Variants in SV2C observed in about 807,000 individuals in gnomAD.
SV2C encodes synaptic vesicle glycoprotein 2C.
A neutral mutation model predicts 79.7 loss-of-function variants in SV2C; 49 were observed. That is an observed-to-expected ratio of 0.61 (90% CI 0.49 to 0.78). The LOEUF (loss-of-function observed/expected upper bound fraction) is 0.78, where lower values mean the gene tolerates loss of function less well. Among genes scored for constraint, SV2C ranks in the 30% least tolerant of loss-of-function variants. The pLI is 0.00. For missense variants in SV2C, 833 were observed against 912.9 expected, an observed-to-expected ratio of 0.91 and a Z score of 1.13; for synonymous variants, 334 against 333.2, an observed-to-expected ratio of 1.00 and a Z score of -0.03.
intron 2 of SV2C, among the ~76,000 whole-genome samples, chr5:76,151,670 A>G (rs1749610703): frequency 6.6e-6 from 1 of 152,142 alleles, no homozygotes; most frequent in African/African-American, 2.4e-5. Context: ...ATGCCTTAAT[A>G]CGAGAGTTCT....
At chr5:76,028,713 G>C in the SV2C span, among the ~76,000 whole-genome samples, 1 of 152,202 alleles carries the variant, frequency 6.6e-6, no homozygotes, top group Non-Finnish European at 1.5e-5. Context: ...CTCAGCTTTA[G>C]CACTGCAGAC....
At position 76,123,448 on chromosome 5, in the gene SV2C, C is replaced by A. The variant is rs894001552; in HGVS notation, c.-101-8202C>A. ...AAAAAAGAGAATTTTAGACCAATAT[C>A]CTTGATGAACATTGATGCAAAAATC... On this transcript the variant is annotated intron_variant, in intron 1 of 12. Transcript: ENST00000502798. Among the ~76,000 whole-genome samples the A allele has an allele frequency of 3.3e-5, 5 of 152,196 alleles. No individual in the cohort carries two copies. The East Asian group carries it at 9.6e-4, about 29-fold the overall frequency.
intron 3 of SV2C, among the ~76,000 whole-genome samples, chr5:76,207,992 G>A (rs1744656127): frequency 6.6e-6 from 1 of 152,202 alleles, no homozygotes; most frequent in Non-Finnish European, 1.5e-5. Flanking sequence ...TCTTGTTTGA[G>A]GGTTTGGTTA....
chr5:76,199,076 C>T lies in SV2C; in HGVS notation c.761+3977C>T, dbSNP rs117228989. 6.1e-4 allele frequency among the ~76,000 whole-genome samples: 93 copies of T among 152,266 alleles called. 2 individuals carry two copies. In the East Asian group the frequency reaches 0.016, roughly 27 times the overall value. On this transcript the variant is annotated intron_variant, in intron 3 of 12. Coordinates refer to ENST00000502798, the MANE Select transcript of SV2C (RefSeq NM_014979.4). ...GATCCTCTTGTTTTCAAAGGCATAT[C>T]GTATTTAAACCCTTCATTCCTATTA...
At chr5:76,245,936 A>ATGTGTGTGTGTGTGTGTG (rs60767964) in intron 4 of SV2C, among the ~76,000 whole-genome samples, 52 of 129,144 alleles carry the variant, frequency 4.0e-4, no homozygotes, top group East Asian at 1.3e-3. Flanking sequence ...GTGTGTGTGT[A>ATGTGTGTGTGTGTGTGTG]TGTGTGTGTG....
At chr5:75,853,924 T>C in the SV2C span, among the ~76,000 whole-genome samples, 3 of 150,804 alleles carry the variant, frequency 2.0e-5, no homozygotes, top group Non-Finnish European at 4.4e-5. Flanking sequence ...GTTTTAAATG[T>C]ACAGTTTGAT....
chr5:76,110,186 G>T (rs1003537826), intron 1 of SV2C, among the ~76,000 whole-genome samples: 3 of 152,188 alleles, frequency 2.0e-5, no homozygotes, highest in Admixed American at 6.5e-5. Flanking sequence ...CTGAATAGGG[G>T]AGAAGCTATG....
At chr5:75,970,961 A>C in the SV2C span, among the ~76,000 whole-genome samples, 1 of 152,238 alleles carries the variant, frequency 6.6e-6, no homozygotes, top group East Asian at 1.9e-4. Context: ...CAGCACATCA[A>C]AAAGCTTATC....
intron 12 of SV2C, among the ~76,000 whole-genome samples, chr5:76,307,850 CTTCT>C (rs1217737189): frequency 1.3e-5 from 2 of 151,994 alleles, no homozygotes; most frequent in South Asian, 2.1e-4. Context: ...TCATTTAGTT[CTTCT>C]TTATTTCTTC....
the SV2C span, among the ~76,000 whole-genome samples, chr5:76,057,179 T>G: frequency 3.3e-5 from 5 of 152,208 alleles, no homozygotes; most frequent in Non-Finnish European, 5.9e-5. Flanking sequence ...GTCCCAGAGA[T>G]TCTAATACAG....
intron 1 of SV2C, among the ~76,000 whole-genome samples, chr5:76,088,633 A>G (rs1308214448): frequency 1.3e-5 from 2 of 152,212 alleles, no homozygotes; most frequent in Non-Finnish European, 2.9e-5. Context: ...AGTAAGTTCC[A>G]ACATATGAAT....
the SV2C span, among the ~76,000 whole-genome samples, chr5:75,908,556 G>T: frequency 6.6e-6 from 1 of 152,306 alleles, no homozygotes; most frequent in Non-Finnish European, 1.5e-5. Context: ...CCTGTCCCAT[G>T]GTTGAACTAC....
rs377349620 is a variant in SV2C at position 76,159,852 on chromosome 5, G to T, written c.580+27522G>T. On this transcript the variant is annotated intron_variant, in intron 2 of 12. Coordinates refer to ENST00000502798, the MANE Select transcript of SV2C (RefSeq NM_014979.4). The stretch of plus-strand genomic sequence containing the variant: ...ACTCCAACATATCTTTTTGATGGGG[G>T]ATACAATCCAAACATAACAGCAAAG... 3.3e-5 allele frequency among the ~76,000 whole-genome samples: 5 copies of T among 151,916 alleles called. No homozygotes were observed. The East Asian group carries it at 7.7e-4, about 23-fold the overall frequency.
the SV2C span, among the ~76,000 whole-genome samples, chr5:76,032,818 C>G: frequency 5.3e-5 from 8 of 152,192 alleles, no homozygotes; most frequent in African/African-American, 1.9e-4. Flanking sequence ...CGGAAAATCG[C>G]CACACTGACT....
chr5:76,067,648 G>A, the SV2C span, among the ~76,000 whole-genome samples: 2 of 151,772 alleles, frequency 1.3e-5, no homozygotes, highest in African/African-American at 4.8e-5. Context: ...TTAAGATGTT[G>A]TATGTTGTTA....
chr5:76,312,077 T>C (rs1748461507), intron 12 of SV2C, among the ~76,000 whole-genome samples: 1 of 152,164 alleles, frequency 6.6e-6, no homozygotes, highest in Non-Finnish European at 1.5e-5. Context: ...AAGTTGTAAA[T>C]CTCTCAAAAG....
chr5:76,204,265 G>A (rs10054492), intron 3 of SV2C, among the ~76,000 whole-genome samples: 1,697 of 152,254 alleles, frequency 0.011, 17 homozygotes, highest in Non-Finnish European at 0.019. Flanking sequence ...TTGATTCCGA[G>A]TAAGAATTAA....
chr5:76,263,922 T>C (rs184529224), intron 4 of SV2C, among the ~76,000 whole-genome samples: 6 of 152,280 alleles, frequency 3.9e-5, no homozygotes, highest in African/African-American at 1.2e-4. Context: ...CTGGTTGCTC[T>C]TCTCAGGGAG....
intron 12 of SV2C, among the ~76,000 whole-genome samples, chr5:76,344,847 T>C (rs1168899294): frequency 6.6e-6 from 1 of 152,242 alleles, no homozygotes; most frequent in Non-Finnish European, 1.5e-5. Flanking sequence ...AGTTATTTCA[T>C]AGCCATGTGG....
Sources: allele counts gnomAD v4.1 joint callset (sites outside exome capture counted in the v4.1 genomes callset), GRCh38; gene constraint gnomAD v4.1.1; transcripts MANE v1.5; gene names NCBI Gene and HGNC (gene_info 2026-07-23, HGNC 2026-07-21).